MAPRE1: variants seen among roughly 807,000 people sequenced by gnomAD.
MAPRE1 encodes the protein microtubule associated protein RP/EB family member 1.
Under a neutral mutation model 32.1 loss-of-function variants are expected in MAPRE1, and 5 were observed. That is an observed-to-expected ratio of 0.16 (90% CI 0.08 to 0.33). MAPRE1 has a LOEUF of 0.33. Among genes scored for constraint, MAPRE1 ranks in the 10% least tolerant of loss-of-function variants. MAPRE1 has a pLI of 1.00. For missense variants in MAPRE1, 209 were observed against 327.2 expected, an observed-to-expected ratio of 0.64 and a Z score of 2.79; for synonymous variants, 122 against 118.9, an observed-to-expected ratio of 1.03 and a Z score of -0.17.
chr20:32,845,032 T>TATGAATGA (rs869190898), intron 5 of MAPRE1, among the ~76,000 whole-genome samples: 2 of 105,818 alleles, frequency 1.9e-5, no homozygotes, highest in Non-Finnish European at 4.0e-5. Flanking sequence ...TGTATGTATG[T>TATGAATGA]ATGAATGAAT....
At chr20:32,824,279 A>C (rs1022799543) in intron 1 of MAPRE1, among the ~76,000 whole-genome samples, 3 of 152,242 alleles carry the variant, frequency 2.0e-5, no homozygotes, top group African/African-American at 7.2e-5. Flanking sequence ...GGTTGACTAC[A>C]CTGGTGCTCA....
At chr20:32,844,275 C>T (rs1983442607) in intron 5 of MAPRE1, among the ~76,000 whole-genome samples, 1 of 151,954 alleles carries the variant, frequency 6.6e-6, no homozygotes, top group African/African-American at 2.4e-5. Flanking sequence ...TAGTTATGAG[C>T]AATATCATGG....
chr20:32,839,538 C>T (rs1383018890), intron 4 of MAPRE1, among the ~76,000 whole-genome samples, 197 bp from the exon 5 acceptor site: 1 of 152,168 alleles, frequency 6.6e-6, no homozygotes, highest in African/African-American at 2.4e-5. Context: ...GTACTTAACT[C>T]TGCTGCCAGG....
intron 5 of MAPRE1, 90 bp downstream of exon 5, chr20:32,839,946 C>T: frequency 1.3e-6 from 2 of 1,551,902 alleles, no homozygotes; most frequent in Non-Finnish European, 1.8e-6. Context: ...CTTAAATGAA[C>T]ACCTGCCTTG....
intron 2 of MAPRE1, among the ~76,000 whole-genome samples, chr20:32,832,807 C>CT (rs35277682): frequency 0.066 from 3,909 of 58,890 alleles, 375 homozygotes; most frequent in African/African-American, 0.14. Context: ...CAGAGTTTCG[C>CT]TTTTTTTTTT....
At position 32,849,200 on chromosome 20, in the gene MAPRE1, A is replaced by T. The variant is rs1295213112; in HGVS notation, c.*472A>T. On this transcript the variant is annotated 3_prime_UTR_variant, in exon 7 of 7. Transcript: ENST00000375571. ...CATGACAAGAGATTTTGCGTTTGAC[A>T]TTGTGTCTGGGAAGGAAGGGCCAGA... 2 of 153,332 alleles carry T rather than the reference A, an allele frequency of 1.3e-5. No individual in the cohort carries two copies. The highest frequency in any genetic ancestry group is 4.8e-5 in the African/African-American group (2 of 41,464). 9.5% of individuals were successfully genotyped at this position (153,332 alleles called of 1,614,324 possible).
intron 5 of MAPRE1, among the ~76,000 whole-genome samples, chr20:32,840,503 A>G (rs1051270357): frequency 4.6e-5 from 7 of 152,176 alleles, no homozygotes; most frequent in Non-Finnish European, 8.8e-5. Flanking sequence ...TTTTTTTAAT[A>G]AAATAGAGAT....
At chr20:32,829,467 C>T (rs1982958782) in intron 2 of MAPRE1, among the ~76,000 whole-genome samples, 1 of 152,184 alleles carries the variant, frequency 6.6e-6, no homozygotes, top group African/African-American at 2.4e-5. Flanking sequence ...CATTGTCTCT[C>T]TGAAGAAGGC....
Position 32,849,454 on chromosome 20 carries a change from G to A in MAPRE1, c.*726G>A, listed in dbSNP as rs1288099514. 2.6e-5 allele frequency: 4 copies of A among 152,262 alleles called. No homozygotes were observed. Among genetic ancestry groups the A allele is most frequent in the Non-Finnish European group, 4.4e-5 (3 of 68,010 alleles). 9.4% of individuals were successfully genotyped at this position (152,262 alleles called of 1,614,324 possible). ...AGTTGAAGAGCTTGGTTTTCATTGAGCATTTCTCTATTTTTCCAGTTATCC... is the reference window on the plus strand; with the variant it reads ...AGTTGAAGAGCTTGGTTTTCATTGAACATTTCTCTATTTTTCCAGTTATCC... On this transcript the variant is annotated 3_prime_UTR_variant, in exon 7 of 7. Coordinates refer to ENST00000375571, the MANE Select transcript of MAPRE1 (RefSeq NM_012325.3).
chr20:32,825,108 T>C (rs1440665891), intron 1 of MAPRE1, among the ~76,000 whole-genome samples: 1 of 145,554 alleles, frequency 6.9e-6, no homozygotes, highest in East Asian at 2.0e-4. Flanking sequence ...GTTGAGATCG[T>C]GCCATTGCAC....
chr20:32,836,089 G>T (rs112231637), intron 3 of MAPRE1, among the ~76,000 whole-genome samples: 2,041 of 152,206 alleles, frequency 0.013, 43 homozygotes, highest in African/African-American at 0.047. Flanking sequence ...CTCCCAAGGA[G>T]CTGGGACCAT....
chr20:32,838,834 A>G (rs1178344217), intron 4 of MAPRE1, among the ~76,000 whole-genome samples: 2 of 152,226 alleles, frequency 1.3e-5, no homozygotes, highest in Non-Finnish European at 2.9e-5. Context: ...CCTTGTGATT[A>G]TAGTTTGGGG....
intron 2 of MAPRE1, among the ~76,000 whole-genome samples, chr20:32,827,439 A>G (rs1042597845): frequency 6.6e-6 from 1 of 152,142 alleles, no homozygotes; most frequent in Non-Finnish European, 1.5e-5. Context: ...GTGATTTAAA[A>G]GAAGAACAAA....
intron 2 of MAPRE1, among the ~76,000 whole-genome samples, chr20:32,831,291 G>GAAAAAT (rs1983015286): frequency 6.6e-6 from 1 of 152,054 alleles, no homozygotes; most frequent in Non-Finnish European, 1.5e-5. Flanking sequence ...AAAAGAAAAA[G>GAAAAAT]AAACATGAAG....
In MAPRE1 at chr20:32,826,009, C is replaced by G; in HGVS notation, c.82C>G (p.Leu28Val). The G allele has an allele frequency of 6.2e-7, 1 of 1,609,298 alleles. No individual in the cohort carries two copies. The highest frequency in any genetic ancestry group is 8.5e-7 in the Non-Finnish European group (1 of 1,176,250). ...HDMLAWINES[L>V]QLNLTKIEQL... The stretch of plus-strand genomic sequence containing the variant: ...CATGCTGGCCTGGATCAATGAGTCT[C>G]TGCAGTTGAATCTGACAAAGATCGA... Residue 28 changes from leucine to valine, a missense_variant, in exon 2 of 7, where the codon CTG (leucine) becomes GTG (valine). Leu to Val is a conservative substitution (Grantham distance 32, BLOSUM62 1). Around this residue, in one of 3 missense-constraint regions of MAPRE1, gnomAD observed 67 missense variants for 140.0 expected, o/e 0.48. Transcript: ENST00000375571.
chr20:32,820,370 C>G (rs998841242), intron 1 of MAPRE1, among the ~76,000 whole-genome samples: 1 of 151,850 alleles, frequency 6.6e-6, no homozygotes, highest in Non-Finnish European at 1.5e-5. Context: ...CGAGGTGGGC[C>G]GTCCTGGGAG....
rs1983574757 is a variant in MAPRE1 at position 32,848,818 on chromosome 20, C to T, written c.*90C>T. On this transcript the variant is annotated 3_prime_UTR_variant, in exon 7 of 7. Transcript: ENST00000375571. ...ACTCCCTTTTGTTATCCTTAGAGGA[C>T]TCACTGGTTTCTTTTCATAAGCAAA... 1 of 1,140,632 alleles carries T rather than the reference C, an allele frequency of 8.8e-7. No individual in the cohort carries two copies. Among genetic ancestry groups the T allele is most frequent in the Non-Finnish European group, 1.2e-6 (1 of 807,538 alleles). 70.7% of individuals were successfully genotyped at this position (1,140,632 alleles called of 1,614,324 possible).
chr20:32,833,696 C>T (rs772317313), intron 2 of MAPRE1, 21 bp from the exon 3 acceptor site: 2 of 1,597,510 alleles, frequency 1.3e-6, no homozygotes, highest in African/African-American at 2.7e-5. Flanking sequence ...TTGTATTTTT[C>T]TGTTGCCGTT....
In MAPRE1 at chr20:32,822,754, G is replaced by A. The variant is rs141020423; in HGVS notation, c.-4+2726G>A. Among the ~76,000 whole-genome samples the A allele has an allele frequency of 1.7e-3, 266 of 152,258 alleles. 1 individual carries two copies. The highest frequency in any genetic ancestry group is 5.9e-3 in the African/African-American group (244 of 41,542). On this transcript the variant is annotated intron_variant, in intron 1 of 6. Coordinates refer to ENST00000375571, the MANE Select transcript of MAPRE1 (RefSeq NM_012325.3). ...CTCACATTCAAACCCATGTCCTCCTGGCTTGAAATCCTCAGCTGTTTGCAT... is the reference window on the plus strand; with the variant it reads ...CTCACATTCAAACCCATGTCCTCCTAGCTTGAAATCCTCAGCTGTTTGCAT...
Sources: gnomAD v4.1 joint callset for allele counts (sites outside exome capture counted in the v4.1 genomes callset) on GRCh38, gnomAD v4.1.1 for gene constraint, gnomAD v4.1.1 regional missense constraint, MANE v1.5 for transcripts, NCBI Gene and HGNC (gene_info 2026-07-23, HGNC 2026-07-21) for gene names.